Variants in INKA2 observed in about 807,000 individuals in gnomAD.
INKA2 encodes the protein inka box actin regulator 2.
Under a neutral mutation model 9.8 loss-of-function variants are expected in INKA2, and 3 were observed. That is an observed-to-expected ratio of 0.31 (90% CI 0.14 to 0.79). The LOEUF (loss-of-function observed/expected upper bound fraction) is 0.79, where lower values mean the gene tolerates loss of function less well. Among genes scored for constraint, INKA2 ranks in the 30% least tolerant of loss-of-function variants. The pLI, the probability that INKA2 is intolerant of heterozygous loss-of-function variation, is 0.62. For synonymous variants in INKA2, 147 were observed against 143.3 expected, an observed-to-expected ratio of 1.03 and a Z score of -0.18; for missense variants, 392 against 384.4, an observed-to-expected ratio of 1.02 and a Z score of -0.17.
At chr1:111,736,235 C>T (rs1663005450) in intron 1 of INKA2, among the ~76,000 whole-genome samples, 1 of 152,182 alleles carries the variant, frequency 6.6e-6, no homozygotes, top group Non-Finnish European at 1.5e-5. Context: ...CACATTTCAT[C>T]CTTGAAACCC....
Position 111,722,847 on chromosome 1 carries a change from T to G in INKA2, c.*4121A>C. On this transcript the variant is annotated 3_prime_UTR_variant, in exon 2 of 2. Coordinates refer to ENST00000357260, the MANE Select transcript of INKA2 (RefSeq NM_019099.5). ...TTAAGCACTTTTGCCTTGGGTCACA[T>G]GGTTAGTGCCTCTACTAAGGGGATG... is the stretch of plus-strand genomic sequence containing the variant. 1 of 475,434 alleles carries G rather than the reference T, an allele frequency of 2.1e-6. No homozygotes were observed. The highest frequency in any genetic ancestry group is 3.7e-6 in the Non-Finnish European group (1 of 268,434). 29.5% of individuals were successfully genotyped at this position (475,434 alleles called of 1,614,324 possible). A position where few individuals can be genotyped will look rare whatever the true frequency, so the allele number is the denominator to read the frequency against.
At chr1:111,744,738 C>T (rs1049609632) in intron 1 of INKA2, among the ~76,000 whole-genome samples, 12 of 152,126 alleles carry the variant, frequency 7.9e-5, no homozygotes, top group East Asian at 3.9e-4. Flanking sequence ...TGCGCCACCA[C>T]GCCCAGCTAA....
chr1:111,729,839 G>C (rs933374470), intron 1 of INKA2, among the ~76,000 whole-genome samples: 3 of 152,258 alleles, frequency 2.0e-5, no homozygotes, highest in Non-Finnish European at 4.4e-5. Flanking sequence ...CCCTGGGGGG[G>C]ATGGGAGATT....
chr1:111,739,499 C>A, upstream of INKA2: 5 of 1,269,476 alleles, frequency 3.9e-6, no homozygotes, highest in Non-Finnish European at 4.1e-6. Flanking sequence ...ATGGGCAGGG[C>A]GGCCGGGAGG....
Position 111,726,176 on chromosome 1 carries a change from T to C in INKA2, c.*792A>G, listed in dbSNP as rs1040037860. ...TAGCATATCTAGGCTTGTTTCCTTA[T>C]CTGGAAAATGGGATCATGCCTGCCT... On this transcript the variant is annotated 3_prime_UTR_variant, in exon 2 of 2. Coordinates refer to ENST00000357260, the MANE Select transcript of INKA2 (RefSeq NM_019099.5). 1 of 398,036 alleles carries C rather than the reference T, an allele frequency of 2.5e-6. No individual in the cohort carries two copies. Among genetic ancestry groups the C allele is most frequent in the African/African-American group, 2.1e-5 (1 of 48,622 alleles). 24.7% of individuals were successfully genotyped at this position (398,036 alleles called of 1,614,324 possible).
intron 1 of INKA2, among the ~76,000 whole-genome samples, chr1:111,738,865 G>A (rs962085817): frequency 2.6e-5 from 4 of 152,210 alleles, no homozygotes; most frequent in African/African-American, 9.6e-5. Flanking sequence ...GCCCCACTGC[G>A]TCCGTGTGCC....
intron 1 of INKA2, chr1:111,745,961 C>T (rs1276602279): frequency 6.6e-6 from 1 of 152,228 alleles, no homozygotes; most frequent in Non-Finnish European, 1.5e-5. Context: ...CCTCCTGAGA[C>T]CATGGGGTGA....
At position 111,722,602 on chromosome 1, in the gene INKA2, A is replaced by G; in HGVS notation, c.*4366T>C. 2 of 153,738 alleles carry G rather than the reference A, an allele frequency of 1.3e-5. No individual in the cohort carries two copies. Among genetic ancestry groups the G allele is most frequent in the Non-Finnish European group, 1.4e-5 (1 of 69,122 alleles). The allele number at this position is 153,738 out of a possible 1,614,324, so 9.5% of individuals were successfully genotyped here. A position where few individuals can be genotyped will look rare whatever the true frequency, so the allele number is the denominator to read the frequency against. ...TTTTCTCCAAGCTCAGCCTTTCTCCACCTCCACACCCCCCGCCTCCCCAGT... is the reference window on the plus strand; with the variant it reads ...TTTTCTCCAAGCTCAGCCTTTCTCCGCCTCCACACCCCCCGCCTCCCCAGT... On this transcript the variant is annotated 3_prime_UTR_variant, in exon 2 of 2. Coordinates refer to ENST00000357260, the MANE Select transcript of INKA2 (RefSeq NM_019099.5).
intron 1 of INKA2, among the ~76,000 whole-genome samples, chr1:111,735,499 T>C (rs1231619961): frequency 6.6e-6 from 1 of 152,202 alleles, no homozygotes; most frequent in Non-Finnish European, 1.5e-5. Flanking sequence ...GGTTAAGTAA[T>C]ATGTTAAGGT....
intron 1 of INKA2, among the ~76,000 whole-genome samples, chr1:111,751,726 C>T (rs1407525404): frequency 6.6e-6 from 1 of 152,156 alleles, no homozygotes; most frequent in African/African-American, 2.4e-5. Flanking sequence ...CTATGGTGGT[C>T]CTCACCTCCA....
intron 1 of INKA2, among the ~76,000 whole-genome samples, chr1:111,732,807 C>T (rs1435492237): frequency 6.6e-6 from 1 of 152,176 alleles, no homozygotes; most frequent in Non-Finnish European, 1.5e-5. Context: ...TTTAAACCAT[C>T]CCCTGGGTTC....
At chr1:111,730,961 A>C (rs549557197) in intron 1 of INKA2, among the ~76,000 whole-genome samples, 9 of 152,184 alleles carry the variant, frequency 5.9e-5, no homozygotes. Flanking sequence ...CTGCTTCCCA[A>C]GGTTTCGTTT....
In INKA2 at chr1:111,728,068, C is replaced by CAT. The variant is rs1471917942; in HGVS notation, c.58-265_58-264insAT. ...ACACACACACACACACACACACACA[C>CAT]ACACAGACATTTCATCTCCCCAACT... On this transcript the variant is annotated intron_variant, in intron 1 of 1. Coordinates refer to ENST00000357260, the MANE Select transcript of INKA2 (RefSeq NM_019099.5). Among the ~76,000 whole-genome samples the CAT allele has an allele frequency of 6.6e-4, 100 of 151,684 alleles. 2 individuals carry two copies. Among genetic ancestry groups the CAT allele is most frequent in the Middle Eastern group, 3.4e-3 (1 of 294 alleles).
At chr1:111,735,468 G>A (rs1205086743) in intron 1 of INKA2, among the ~76,000 whole-genome samples, 2 of 152,168 alleles carry the variant, frequency 1.3e-5, no homozygotes, top group African/African-American at 4.8e-5. Context: ...TTTTAGAGAT[G>A]AGAAAACCAA....
At position 111,755,264 on chromosome 1, in the gene INKA2, G is replaced by A. The variant is rs116646355; in HGVS notation, n.124+437C>T. 1,341 of 170,166 alleles carry A rather than the reference G, an allele frequency of 7.9e-3. 13 individuals carry two copies. The highest frequency in any genetic ancestry group is 0.031 in the African/African-American group (1,285 of 41,220). 10.5% of individuals were successfully genotyped at this position (170,166 alleles called of 1,614,324 possible). ...TACGAACTTGGGAGCTGTTAGTCCA[G>A]TTCCAGGTTCCAATTCAACGTACTT... On this transcript the variant is annotated intron_variant and non_coding_transcript_variant, in intron 1 of 1. Coordinates refer to the INKA2 transcript ENST00000444059.
intron 1 of INKA2, among the ~76,000 whole-genome samples, chr1:111,751,279 TC>T (rs1265255518): frequency 6.6e-6 from 1 of 152,258 alleles, no homozygotes; most frequent in East Asian, 1.9e-4. Context: ...AAGCTATTGC[TC>T]TTTGAATACC....
intron 1 of INKA2, chr1:111,753,878 G>A (rs1273393900): frequency 6.6e-6 from 1 of 152,226 alleles, no homozygotes; most frequent in African/African-American, 2.4e-5. Context: ...GTGGGACCCT[G>A]GGGTGGGGAA....
intron 1 of INKA2, among the ~76,000 whole-genome samples, chr1:111,732,824 G>C (rs1394476477): frequency 6.6e-6 from 1 of 152,120 alleles, no homozygotes; most frequent in Non-Finnish European, 1.5e-5. Flanking sequence ...GTTCCTCACT[G>C]TATTAGAGCT....
intron 1 of INKA2, chr1:111,746,543 T>A (rs907340182): frequency 6.6e-6 from 1 of 152,208 alleles, no homozygotes; most frequent in African/African-American, 2.4e-5. Flanking sequence ...TGGAAATAAC[T>A]TGCATCTTAA....
Sources: allele counts gnomAD v4.1 joint callset (sites outside exome capture counted in the v4.1 genomes callset), GRCh38; gene constraint gnomAD v4.1.1; transcripts MANE v1.5; gene names NCBI Gene and HGNC (gene_info 2026-07-23, HGNC 2026-07-21).